RAP1GAP2: variants seen among roughly 807,000 people sequenced by gnomAD.
The protein encoded by RAP1GAP2 is rap1 GTPase-activating protein 2.
A neutral mutation model predicts 95.0 loss-of-function variants in RAP1GAP2; 27 were observed. The observed-to-expected ratio is 0.28, with a 90% CI of 0.21 to 0.39. The LOEUF (loss-of-function observed/expected upper bound fraction) is 0.39, where lower values mean the gene tolerates loss of function less well. Ranked by LOEUF, RAP1GAP2 falls within the 10% of genes least tolerant of loss-of-function variation. The probability of loss-of-function intolerance (pLI) is 1.00; values close to 1 mark genes in which losing one functional copy is unlikely to be tolerated. For missense variants in RAP1GAP2, 771 were observed against 970.0 expected (o/e 0.79, Z 2.72); for synonymous variants, 373 against 380.9 (o/e 0.98, Z 0.24).
chr17:2,936,913 G>C (rs945939783), intron 3 of RAP1GAP2, among the ~76,000 whole-genome samples: 2 of 152,244 alleles, frequency 1.3e-5, no homozygotes, highest in African/African-American at 2.4e-5. Context: ...ATAGTCACCA[G>C]ACTGAAGTCA....
intron 11 of RAP1GAP2, among the ~76,000 whole-genome samples, chr17:2,985,279 GTT>G (rs34922391): frequency 1.8e-4 from 20 of 114,110 alleles, no homozygotes; most frequent in East Asian, 2.8e-4. Context: ...AAACAGTGAT[GTT>G]TTTTTTTTTT....
At chr17:3,009,364 G>A (rs1464927389) in intron 17 of RAP1GAP2, among the ~76,000 whole-genome samples, 1 of 152,208 alleles carries the variant, frequency 6.6e-6, no homozygotes, top group South Asian at 2.1e-4. Context: ...CTGTGAGGAA[G>A]GCTATTATTT....
rs188961305 is a variant in RAP1GAP2 at position 2,840,930 on chromosome 17, G to A, written c.80+40380G>A. ...GGAGGATTGCTTGAGCCCGGGAGGT[G>A]GAGGCTGCAGTGAGCCGAGATTGCG... On this transcript the variant is annotated intron_variant, in intron 2 of 24. Transcript: ENST00000254695. Among the ~76,000 whole-genome samples, 370 of 152,144 alleles carry A rather than the reference G, an allele frequency of 2.4e-3. 1 individual carries two copies. Among genetic ancestry groups the A allele is most frequent in the African/African-American group, 8.0e-3 (332 of 41,518 alleles).
intron 3 of RAP1GAP2, among the ~76,000 whole-genome samples, chr17:2,953,068 A>G (rs1254159197): frequency 1.3e-5 from 2 of 151,980 alleles, no homozygotes; most frequent in Non-Finnish European, 2.9e-5. Context: ...AGCCTCCTAA[A>G]GTGCTGGGAT....
upstream of RAP1GAP2, among the ~76,000 whole-genome samples, chr17:2,795,911 G>A (rs777617444): frequency 3.9e-5 from 6 of 152,142 alleles, no homozygotes; most frequent in South Asian, 2.1e-4. Context: ...TATCCTGGGC[G>A]TGTGTGTGTC....
rs1051148484 is a variant in RAP1GAP2, at chr17:2,867,036, G to C, written c.81-38248G>C. ...CTGCCTCATTCTCCCAAGTAGCTGG[G>C]ATTACAGGTGCCCACTGTCATGTCT... On this transcript the variant is annotated intron_variant, in intron 2 of 24. Coordinates refer to ENST00000254695, the MANE Select transcript of RAP1GAP2 (RefSeq NM_015085.5). This position sits in a 1 kb window ranked among gnomAD's most constrained non-coding sequence, Gnocchi z 4.5. Among the ~76,000 whole-genome samples, 2 of 152,000 alleles carry C rather than the reference G, an allele frequency of 1.3e-5. No homozygotes were observed. The highest frequency in any genetic ancestry group is 4.8e-5 in the African/African-American group (2 of 41,362).
rs560936470 is a variant in RAP1GAP2 at position 2,832,287 on chromosome 17, G to A, written c.80+31737G>A. Among the ~76,000 whole-genome samples, 79 of 151,462 alleles carry A rather than the reference G, an allele frequency of 5.2e-4. 1 individual carries two copies. The highest frequency in any genetic ancestry group is 1.6e-3 in the East Asian group (8 of 5,148). ...TAAAGATAAAGTCTCGGCCGGGCGC[G>A]GTGGCTCATGCCTGTAATCCCAGCA... On this transcript the variant is annotated intron_variant, in intron 2 of 24. Coordinates refer to ENST00000254695, the MANE Select transcript of RAP1GAP2 (RefSeq NM_015085.5).
chr17:2,847,817 C>G (rs2151585300), intron 2 of RAP1GAP2, among the ~76,000 whole-genome samples: 1 of 152,170 alleles, frequency 6.6e-6, no homozygotes, highest in East Asian at 1.9e-4. Flanking sequence ...CTCATCCGCT[C>G]CTGATTCTCT....
intron 1 of RAP1GAP2, among the ~76,000 whole-genome samples, chr17:2,767,676 TACA>T (rs1291664550): frequency 6.6e-6 from 1 of 152,038 alleles, no homozygotes; most frequent in Non-Finnish European, 1.5e-5. Context: ...CACCCTCATT[TACA>T]ACATCTTTTA....
At chr17:2,763,982 C>G (rs1258954823) in intron 1 of RAP1GAP2, among the ~76,000 whole-genome samples, 1 of 151,966 alleles carries the variant, frequency 6.6e-6, no homozygotes, top group African/African-American at 2.4e-5. Flanking sequence ...CGGGAGAGAC[C>G]CTGTGCCTCT....
chr17:2,924,791 T>C (rs943571312), intron 3 of RAP1GAP2, among the ~76,000 whole-genome samples: 3 of 152,210 alleles, frequency 2.0e-5, no homozygotes, highest in African/African-American at 7.2e-5. Flanking sequence ...CTATTTCGTC[T>C]TGGAGCCTAT....
chr17:2,978,433 G>A (rs6502657), intron 8 of RAP1GAP2, among the ~76,000 whole-genome samples: 109,818 of 151,854 alleles, frequency 0.72, 39,849 homozygotes, highest in East Asian at 0.78. Flanking sequence ...TAGGGCGTGG[G>A]TATGCTGGAC....
In RAP1GAP2 at chr17:3,010,183, T is replaced by C. The variant is rs181817777; in HGVS notation, c.1494+2038T>C. Among the ~76,000 whole-genome samples, 391 of 151,408 alleles carry C rather than the reference T, an allele frequency of 2.6e-3. 2 individuals carry two copies. Among genetic ancestry groups the C allele is most frequent in the African/African-American group, 9.4e-3 (387 of 41,266 alleles). ...GGTGAAACCTCGTCTCCACTAAAAATACAAAAATTAGCCGGGCGTGGTGAC... is the reference window on the plus strand; with the variant it reads ...GGTGAAACCTCGTCTCCACTAAAAACACAAAAATTAGCCGGGCGTGGTGAC... On this transcript the variant is annotated intron_variant, in intron 17 of 24. Coordinates refer to ENST00000254695, the MANE Select transcript of RAP1GAP2 (RefSeq NM_015085.5).
intron 8 of RAP1GAP2, among the ~76,000 whole-genome samples, chr17:2,971,593 C>T (rs1324948395): frequency 2.0e-5 from 3 of 151,954 alleles, no homozygotes; most frequent in African/African-American, 7.3e-5. Context: ...AATAATAATA[C>T]AGTAAAATAA....
At chr17:2,805,106 A>G (rs971183696) in intron 2 of RAP1GAP2, among the ~76,000 whole-genome samples, 1 of 152,136 alleles carries the variant, frequency 6.6e-6, no homozygotes, top group African/African-American at 2.4e-5. Context: ...GGCACAAAAC[A>G]GGTTTTCAGT....
intron 2 of RAP1GAP2, among the ~76,000 whole-genome samples, chr17:2,815,869 C>T (rs17762324): frequency 0.15 from 22,632 of 152,308 alleles, 2,034 homozygotes; most frequent in Admixed American, 0.26. Flanking sequence ...GGCGTACCTA[C>T]GCAGGCACAC....
intron 1 of RAP1GAP2, among the ~76,000 whole-genome samples, chr17:2,761,099 C>T (rs575063768): frequency 7.9e-5 from 12 of 150,988 alleles, no homozygotes; most frequent in African/African-American, 2.2e-4. Context: ...GGATTACAGG[C>T]GTGTGCCACC....
intron 3 of RAP1GAP2, among the ~76,000 whole-genome samples, chr17:2,931,405 C>T (rs959982913): frequency 4.0e-5 from 6 of 151,876 alleles, no homozygotes; most frequent in Non-Finnish European, 7.4e-5. Flanking sequence ...TGGGACGCCA[C>T]GTTGGTGTGA....
rs146127206 is a variant in RAP1GAP2, at chr17:2,947,451, C to T, written c.166-10308C>T. ...CTGACTCTAGCCATCCCAACAAGCCCGCCCTGGCCACTCCCAGGCCAAGAC... is the reference window on the plus strand; with the variant it reads ...CTGACTCTAGCCATCCCAACAAGCCTGCCCTGGCCACTCCCAGGCCAAGAC... On this transcript the variant is annotated intron_variant, in intron 3 of 24. Transcript: ENST00000254695. 2.2e-4 allele frequency among the ~76,000 whole-genome samples: 34 copies of T among 152,254 alleles called. No individual in the cohort carries two copies. The East Asian group carries it at 6.2e-3, about 28-fold the overall frequency.
Sources: gnomAD v4.1 joint callset for allele counts (sites outside exome capture counted in the v4.1 genomes callset) on GRCh38, gnomAD v4.1.1 for gene constraint, Gnocchi (gnomAD v3.1) non-coding constraint, MANE v1.5 for transcripts, NCBI Gene and HGNC (gene_info 2026-07-23, HGNC 2026-07-21) for gene names.